The following CCSER1 variants were observed in gnomAD, a reference collection of about 807,000 sequenced individuals.
The protein encoded by CCSER1 is serine-rich coiled-coil domain-containing protein 1.
CCSER1 carries 41 observed loss-of-function variants against 82.0 expected under a neutral mutation model. The ratio of observed to expected loss-of-function variants is 0.50; its 90% CI spans 0.39 to 0.65. The LOEUF (loss-of-function observed/expected upper bound fraction) is 0.65, where lower values mean the gene tolerates loss of function less well. CCSER1 is among the 30% of genes least tolerant of loss of function. CCSER1 has a pLI of 0.00. For missense variants in CCSER1, 1,119 were observed against 1,064.2 expected (o/e 1.05, Z -0.72); for synonymous variants, 414 against 383.9 (o/e 1.08, Z -0.92).
At chr4:90,488,221 G>T (rs555381210) in intron 5 of CCSER1, among the ~76,000 whole-genome samples, 71 of 151,784 alleles carry the variant, frequency 4.7e-4, no homozygotes, top group African/African-American at 1.5e-3. Flanking sequence ...TCGCTCTGTT[G>T]CCCAGGCTGG....
chr4:90,616,674 G>C (rs961254959), intron 5 of CCSER1, among the ~76,000 whole-genome samples: 1 of 146,226 alleles, frequency 6.8e-6, no homozygotes, highest in Admixed American at 7.0e-5. Flanking sequence ...CACAGAGTGT[G>C]GCTCTGTCTC....
intron 10 of CCSER1, among the ~76,000 whole-genome samples, chr4:91,235,691 G>A (rs531489145): frequency 1.3e-5 from 2 of 152,052 alleles, no homozygotes; most frequent in African/African-American, 2.4e-5. Flanking sequence ...TAGGAGCTAC[G>A]TAAGGTCAAT....
At chr4:90,188,209 C>A (rs1293089178) in intron 1 of CCSER1, among the ~76,000 whole-genome samples, 1 of 151,800 alleles carries the variant, frequency 6.6e-6, no homozygotes, top group Non-Finnish European at 1.5e-5. Context: ...GGTATGGGCA[C>A]TAATGTATAT....
intron 10 of CCSER1, among the ~76,000 whole-genome samples, chr4:91,389,624 C>T (rs1264032169): frequency 6.6e-6 from 1 of 151,668 alleles, no homozygotes; most frequent in Non-Finnish European, 1.5e-5. Flanking sequence ...AAACAACTTG[C>T]TGAGATTTCG....
intron 3 of CCSER1, among the ~76,000 whole-genome samples, chr4:90,390,396 G>C (rs749607574): frequency 6.6e-6 from 1 of 152,210 alleles, no homozygotes; most frequent in Non-Finnish European, 1.5e-5. Flanking sequence ...CAGGTAGGTA[G>C]CATTGTACCC....
At chr4:90,427,479 G>T (rs917541986) in intron 4 of CCSER1, among the ~76,000 whole-genome samples, 1 of 151,116 alleles carries the variant, frequency 6.6e-6, no homozygotes, top group African/African-American at 2.4e-5. Context: ...ATTAGTAAAA[G>T]CTTTGTTAAG....
intron 5 of CCSER1, among the ~76,000 whole-genome samples, chr4:90,612,381 C>G (rs576476062): frequency 2.0e-5 from 3 of 152,034 alleles, no homozygotes; most frequent in Non-Finnish European, 4.4e-5. Flanking sequence ...ACAAGATAAT[C>G]ACAGAAAGCA....
At chr4:90,913,541 C>T (rs1293900072) in intron 8 of CCSER1, among the ~76,000 whole-genome samples, 1 of 152,076 alleles carries the variant, frequency 6.6e-6, no homozygotes, top group African/African-American at 2.4e-5. Context: ...AAAAAGATGC[C>T]AAAATGTAAA....
chr4:90,666,014 G>A (rs1442740496), intron 6 of CCSER1, among the ~76,000 whole-genome samples: 1 of 152,000 alleles, frequency 6.6e-6, no homozygotes, highest in Non-Finnish European at 1.5e-5. Context: ...TGGAGCCTCT[G>A]TCATATTCTT....
chr4:91,078,672 A>G (rs1181947252), intron 9 of CCSER1, among the ~76,000 whole-genome samples: 1 of 152,226 alleles, frequency 6.6e-6, no homozygotes, highest in African/African-American at 2.4e-5. Context: ...GCAAGAAGCT[A>G]AAAACCTTGA....
intron 6 of CCSER1, among the ~76,000 whole-genome samples, chr4:90,718,506 T>C (rs776999051): frequency 1.3e-5 from 2 of 152,130 alleles, no homozygotes; most frequent in Non-Finnish European, 2.9e-5. Context: ...CCCAAACAAA[T>C]AGATCATTTT....
At chr4:91,418,145 A>T (rs1478808235) in intron 10 of CCSER1, among the ~76,000 whole-genome samples, 2 of 152,042 alleles carry the variant, frequency 1.3e-5, no homozygotes, top group Non-Finnish European at 2.9e-5. Context: ...GATACTGGAT[A>T]AACAACTTAA....
At chr4:91,153,895 C>A (rs1209881635) in intron 10 of CCSER1, among the ~76,000 whole-genome samples, 1 of 151,914 alleles carries the variant, frequency 6.6e-6, no homozygotes, top group Non-Finnish European at 1.5e-5. Flanking sequence ...GGGCCCCCGG[C>A]TGTATGAGGT....
At chr4:91,365,182 T>C (rs1749526624) in intron 10 of CCSER1, among the ~76,000 whole-genome samples, 1 of 152,202 alleles carries the variant, frequency 6.6e-6, no homozygotes, top group Non-Finnish European at 1.5e-5. Context: ...TTCACATATG[T>C]ATTATTAGGG....
chr4:90,607,093 A>G (rs1193804959), intron 5 of CCSER1, among the ~76,000 whole-genome samples: 1 of 152,164 alleles, frequency 6.6e-6, no homozygotes, highest in Non-Finnish European at 1.5e-5. Flanking sequence ...TATTTTACAT[A>G]TGGTTTTAGT....
intron 1 of CCSER1, among the ~76,000 whole-genome samples, chr4:90,166,998 T>C (rs1340414764): frequency 6.6e-6 from 1 of 152,064 alleles, no homozygotes; most frequent in Non-Finnish European, 1.5e-5. Flanking sequence ...AATTCTTTAA[T>C]CAAGCGTAAG....
At position 90,460,053 on chromosome 4, in the gene CCSER1, G is replaced by C. The variant is rs867218931; in HGVS notation, c.1604-8181G>C. Among the ~76,000 whole-genome samples, 102 of 146,410 alleles carry C rather than the reference G, an allele frequency of 7.0e-4. 4 individuals are homozygous for C. Among genetic ancestry groups the C allele is most frequent in the African/African-American group, 2.7e-3 (98 of 36,046 alleles). ...TATTCAAAAACTAAGGCGGCCGGGC[G>C]CGGTGGCTCACGCCTGTAATCCCAG... On this transcript the variant is annotated intron_variant, in intron 4 of 10. Transcript: ENST00000509176.
intron 9 of CCSER1, among the ~76,000 whole-genome samples, chr4:90,943,999 C>T (rs1731922777): frequency 6.6e-6 from 1 of 151,606 alleles, no homozygotes; most frequent in Non-Finnish European, 1.5e-5. Context: ...TTTGGGAGGC[C>T]GAGGTGGGCG....
chr4:91,290,982 AATT>A (rs1301587776), intron 10 of CCSER1, among the ~76,000 whole-genome samples: 3 of 151,776 alleles, frequency 2.0e-5, no homozygotes, highest in African/African-American at 7.2e-5. Context: ...CATTTTTAAT[AATT>A]AGGAATAATC....
Sources: gnomAD v4.1 joint callset for allele counts (sites outside exome capture counted in the v4.1 genomes callset) on GRCh38, gnomAD v4.1.1 for gene constraint, MANE v1.5 for transcripts, NCBI Gene and HGNC (gene_info 2026-07-23, HGNC 2026-07-21) for gene names.